The following GGCT variants were observed in gnomAD, a reference collection of about 807,000 sequenced individuals.
GGCT encodes cytochrome c-releasing factor 21.
Under a neutral mutation model 22.1 loss-of-function variants are expected in GGCT, and 20 were observed. The observed-to-expected ratio is 0.91, with a 90% CI of 0.64 to 1.32. The LOEUF (loss-of-function observed/expected upper bound fraction) is 1.32, where lower values mean the gene tolerates loss of function less well. GGCT is among the 40% of genes most tolerant of loss of function. The probability of loss-of-function intolerance (pLI) is 0.00; values close to 1 mark genes in which losing one functional copy is unlikely to be tolerated. For synonymous variants in GGCT, 72 were observed against 78.4 expected (o/e 0.92, Z 0.43); for missense variants, 209 against 223.5 (o/e 0.94, Z 0.41).
Position 30,504,802 on chromosome 7 carries a change from C to T in GGCT, c.-93G>A. 1 of 1,303,314 alleles carries T rather than the reference C, an allele frequency of 7.7e-7. No individual in the cohort carries two copies. Among genetic ancestry groups the T allele is most frequent in the South Asian group, 1.2e-5 (1 of 80,934 alleles). The allele number at this position is 1,303,314 out of a possible 1,614,324, so 80.7% of individuals were successfully genotyped here. A position where few individuals can be genotyped will look rare whatever the true frequency, so the allele number is the denominator to read the frequency against. On this transcript the variant is annotated 5_prime_UTR_variant, in exon 1 of 4. Coordinates refer to ENST00000275428, the MANE Select transcript of GGCT (RefSeq NM_024051.4). ...GGGCCCACTACCCCGGCGCAGTGAC[C>T]GCCGCGCGGCAGCCTCAGGGTTAGG...
intron 3 of GGCT, chr7:30,497,871 A>C: frequency 6.9e-7 from 1 of 1,449,270 alleles, no homozygotes; most frequent in East Asian, 2.6e-5. Flanking sequence ...TGATTCTGAA[A>C]GGCAGTGTGA....
At chr7:30,501,028 T>G (rs990522556) in intron 1 of GGCT, among the ~76,000 whole-genome samples, 4 of 152,204 alleles carry the variant, frequency 2.6e-5, no homozygotes, top group Non-Finnish European at 4.4e-5. Flanking sequence ...TACATACACA[T>G]AAATTTTTAC....
intron 1 of GGCT, among the ~76,000 whole-genome samples, chr7:30,501,072 T>A (rs1167128364): frequency 6.6e-6 from 1 of 152,164 alleles, no homozygotes; most frequent in Non-Finnish European, 1.5e-5. Flanking sequence ...TACATGTGGG[T>A]TATAATATTC....
chr7:30,503,161 G>A (rs542752754), intron 1 of GGCT, among the ~76,000 whole-genome samples: 1 of 152,310 alleles, frequency 6.6e-6, no homozygotes, highest in Admixed American at 6.5e-5. Context: ...GGGCTTTCCT[G>A]AGCATCCTGG....
intron 3 of GGCT, among the ~76,000 whole-genome samples, chr7:30,498,546 A>C (rs944790757): frequency 6.6e-6 from 1 of 151,998 alleles, no homozygotes; most frequent in Non-Finnish European, 1.5e-5. Flanking sequence ...CAGCCTTCCA[A>C]GTAGCTGGGA....
Position 30,504,625 on chromosome 7 carries a change from C to T in GGCT, c.85G>A (p.Glu29Lys). The T allele has an allele frequency of 6.2e-7, 1 of 1,614,156 alleles. No homozygotes were observed. The highest frequency in any genetic ancestry group is 8.5e-7 in the Non-Finnish European group (1 of 1,179,980). Residue 29 changes from glutamate (E) to lysine (K), a missense_variant, in exon 1 of 4, where the codon GAG becomes AAG. Transcript: ENST00000275428. ...YFAYGSNLLT[E>K]RIHLRNPSAA... is the part of the protein sequence containing the mutation. ...GAGGGGTTTCGGAGGTGGATCCTCT[C>T]TGTCAGCAGGTTGCTGCCGTAGGCA...
intron 2 of GGCT, among the ~76,000 whole-genome samples, chr7:30,500,263 G>A (rs1789668821): frequency 6.6e-6 from 1 of 151,980 alleles, no homozygotes; most frequent in Non-Finnish European, 1.5e-5. Flanking sequence ...AAACTATAAA[G>A]AAAAATTATG....
intron 3 of GGCT, chr7:30,497,945 A>G: frequency 9.6e-7 from 1 of 1,044,014 alleles, no homozygotes; most frequent in Non-Finnish European, 1.3e-6. Context: ...TTTTTCCCCT[A>G]TAAAAATGAA....
chr7:30,497,720 G>C, intron 3 of GGCT: 1 of 1,322,334 alleles, frequency 7.6e-7, no homozygotes. Flanking sequence ...AATTCCAAAC[G>C]AGGCCTAGGA....
chr7:30,498,697 G>A, intron 3 of GGCT, 106 bp downstream of exon 3: 1 of 985,066 alleles, frequency 1.0e-6, no homozygotes, highest in Non-Finnish European at 1.5e-6. Flanking sequence ...GGCATTACAG[G>A]CATGAGCCAC....
chr7:30,503,947 G>A (rs975836692), intron 1 of GGCT, among the ~76,000 whole-genome samples: 9 of 152,148 alleles, frequency 5.9e-5, no homozygotes, highest in African/African-American at 1.9e-4. Context: ...AGAGTTCCTC[G>A]AAACAGCCAC....
intron 3 of GGCT, chr7:30,497,648 C>T: frequency 1.5e-6 from 1 of 647,406 alleles, no homozygotes; most frequent in Middle Eastern, 3.0e-4. Flanking sequence ...TAAATGGCAA[C>T]TGTGTTTAGC....
In GGCT at chr7:30,498,929, C is replaced by G. The variant is rs748047628; in HGVS notation, c.297G>C (p.Gly99=). 48 of 1,613,754 alleles carry G rather than the reference C, an allele frequency of 3.0e-5. No individual in the cohort carries two copies. The South Asian group carries it at 4.8e-4, about 16-fold the overall frequency. The change falls in exon 3 of 4, where the codon GGG becomes GGC. Residue 99 remains glycine, a synonymous_variant. Transcript: ENST00000275428. The part of the protein sequence containing the change: ...SNLNSLDEQE[G]VKSGMYVVIE... ...TTACAACATACATTCCACTTTTAAC[C>G]CCTTCTTGCCTGAAACCAGAACAGC... is the stretch of plus-strand genomic sequence containing the variant.
At chr7:30,504,489 G>C in intron 1 of GGCT, 80 bp downstream of exon 1, 1 of 1,518,316 alleles carries the variant, frequency 6.6e-7, no homozygotes, top group South Asian at 1.1e-5. Context: ...TTCCTGGCCC[G>C]ATCGGCCACG....
At chr7:30,497,766 G>A (rs1169605066) in intron 3 of GGCT, 4 of 1,443,438 alleles carry the variant, frequency 2.8e-6, no homozygotes, top group Non-Finnish European at 3.7e-6. Context: ...TGACCTGATT[G>A]GGCCTGCCAA....
intron 3 of GGCT, 113 bp downstream of exon 3, chr7:30,498,690 A>AT (rs757182114): frequency 1.6e-4 from 143 of 915,806 alleles, no homozygotes; most frequent in Non-Finnish European, 2.3e-4. Context: ...AAGTGGTGGC[A>AT]TTACAGGCAT....
intron 1 of GGCT, among the ~76,000 whole-genome samples, chr7:30,502,961 GA>G (rs373030228): frequency 1.2e-4 from 18 of 152,276 alleles, no homozygotes; most frequent in African/African-American, 4.3e-4. Flanking sequence ...TGTGGTCCTG[GA>G]AGATGTGGCC....
chr7:30,497,269 C>A, intron 3 of GGCT, 34 bp from the exon 4 acceptor site: 2 of 1,547,206 alleles, frequency 1.3e-6, no homozygotes, highest in South Asian at 1.2e-5. Flanking sequence ...ACAAAAAAAC[C>A]CTTTCAGTTA....
rs542533833 is a variant in GGCT, at chr7:30,497,163, T to A, written c.496A>T (p.Asn166Tyr). The A allele has an allele frequency of 6.2e-7, 1 of 1,610,014 alleles. No homozygotes were observed. The highest frequency in any genetic ancestry group is 1.3e-5 in the African/African-American group (1 of 74,948). ...YQEKLKAIEP[N>Y]DYTGKVSEEI... ...TCTGAGACCTTTCCTGTATAGTCATTTGGTTCTATTGCTTTTAACTTCTCT... is the reference window on the plus strand; with the variant it reads ...TCTGAGACCTTTCCTGTATAGTCATATGGTTCTATTGCTTTTAACTTCTCT... The change falls in exon 4 of 4, where the codon AAT becomes TAT. Residue 166 changes from asparagine to tyrosine, a missense_variant. By Grantham distance (143) the Asn-to-Tyr change is moderately radical. Coordinates refer to ENST00000275428, the MANE Select transcript of GGCT (RefSeq NM_024051.4).
Sources: gnomAD v4.1 joint callset for allele counts (sites outside exome capture counted in the v4.1 genomes callset) on GRCh38, gnomAD v4.1.1 for gene constraint, MANE v1.5 for transcripts, NCBI Gene and HGNC (gene_info 2026-07-23, HGNC 2026-07-21) for gene names.